Variants in AFAP1 observed in about 807,000 individuals in gnomAD.
The protein encoded by AFAP1 is actin filament-associated protein 1.
AFAP1 carries 75 observed loss-of-function variants against 93.9 expected under a neutral mutation model. The observed-to-expected ratio is 0.80, with a 90% CI of 0.66 to 0.97. The LOEUF (loss-of-function observed/expected upper bound fraction) is 0.97, where lower values mean the gene tolerates loss of function less well. AFAP1 is among the 50% of genes least tolerant of loss of function. The probability of loss-of-function intolerance (pLI) is 0.00; values close to 1 mark genes in which losing one functional copy is unlikely to be tolerated. For synonymous variants in AFAP1, 517 were observed against 430.7 expected, an observed-to-expected ratio of 1.20 and a Z score of -2.48; for missense variants, 1,201 against 1,050.8, an observed-to-expected ratio of 1.14 and a Z score of -1.98.
chr4:7,765,120 G>A (rs563668909), intron 17 of AFAP1, among the ~76,000 whole-genome samples: 67 of 145,284 alleles, frequency 4.6e-4, no homozygotes, highest in Non-Finnish European at 8.2e-4. Flanking sequence ...TCAATCAATC[G>A]CTAAGGAGAC....
intron 13 of AFAP1, among the ~76,000 whole-genome samples, chr4:7,780,194 C>T (rs1257071157): frequency 1.3e-5 from 2 of 152,212 alleles, no homozygotes; most frequent in Non-Finnish European, 2.9e-5. Context: ...GGCTCCCCTA[C>T]CCCCGGTCCC....
In AFAP1 at chr4:7,763,695, G is replaced by C. The variant is rs557553592; in HGVS notation, c.*70C>G. On this transcript the variant is annotated 3_prime_UTR_variant, in exon 18 of 18. Coordinates refer to ENST00000420658, the MANE Select transcript of AFAP1 (RefSeq NM_001134647.2). Reference sequence around the variant, plus strand: ...GAGGCCACTCTGGGCAGAGCTTCCTGCCGTCACACAGATGAGGATACAGGC... The same window carrying C: ...GAGGCCACTCTGGGCAGAGCTTCCTCCCGTCACACAGATGAGGATACAGGC... 1 of 1,541,698 alleles carries C rather than the reference G, an allele frequency of 6.5e-7. No homozygotes were observed. The highest frequency in any genetic ancestry group is 1.4e-5 in the African/African-American group (1 of 72,876).
At chr4:7,832,387 A>G (rs1212637560) in intron 6 of AFAP1, among the ~76,000 whole-genome samples, 5 of 151,962 alleles carry the variant, frequency 3.3e-5, no homozygotes, top group African/African-American at 1.2e-4. Flanking sequence ...GGTGGGAGCC[A>G]CTGCTCTTGT....
In AFAP1 at chr4:7,774,724, C is replaced by G. The variant is rs2148967179; in HGVS notation, c.2062+15G>C. 1 of 1,613,442 alleles carries G rather than the reference C, an allele frequency of 6.2e-7. No homozygotes were observed. The highest frequency in any genetic ancestry group is 2.2e-5 in the East Asian group (1 of 44,876). On this transcript the variant is annotated intron_variant, in intron 15 of 17. Transcript: ENST00000420658. The stretch of plus-strand genomic sequence containing the variant: ...ACAAACATGCACCCTGGGCAGTCAC[C>G]CACACCCTTCATACCGGCGTTCACT...
chr4:7,837,214 T>C (rs529996675), intron 6 of AFAP1, among the ~76,000 whole-genome samples: 1 of 152,260 alleles, frequency 6.6e-6, no homozygotes, highest in Admixed American at 6.5e-5. Flanking sequence ...ACCAAAAAGA[T>C]TAGAGACTCT....
intron 9 of AFAP1, 31 bp from the exon 10 acceptor site, chr4:7,800,684 C>G: frequency 6.2e-7 from 1 of 1,613,006 alleles, no homozygotes; most frequent in Non-Finnish European, 8.5e-7. Flanking sequence ...AGGTCAGCCG[C>G]CTCGGACAAG....
At chr4:7,790,815 T>C (rs964031469) in intron 11 of AFAP1, among the ~76,000 whole-genome samples, 1 of 152,216 alleles carries the variant, frequency 6.6e-6, no homozygotes, top group Non-Finnish European at 1.5e-5. Context: ...TATCCTGATT[T>C]CCACACAAAA....
chr4:7,816,739 G>A (rs544334238), intron 7 of AFAP1, among the ~76,000 whole-genome samples: 34 of 152,302 alleles, frequency 2.2e-4, no homozygotes, highest in African/African-American at 7.9e-4. Context: ...GGGTCATAGC[G>A]GAGGGAGTGG....
At chr4:7,778,542 G>A in intron 14 of AFAP1, 2 of 597,220 alleles carry the variant, frequency 3.3e-6, no homozygotes, top group East Asian at 2.8e-5. Flanking sequence ...TCCCACAGGT[G>A]GCAAACCAGT....
At chr4:7,910,308 G>A (rs1719655943) in intron 1 of AFAP1, among the ~76,000 whole-genome samples, 1 of 152,044 alleles carries the variant, frequency 6.6e-6, no homozygotes, top group Non-Finnish European at 1.5e-5. Context: ...TCCAGTCCTA[G>A]CCCTGCTACC....
intron 17 of AFAP1, among the ~76,000 whole-genome samples, chr4:7,767,016 G>A (rs1432151291): frequency 6.6e-6 from 1 of 152,200 alleles, no homozygotes; most frequent in Non-Finnish European, 1.5e-5. Context: ...ATGAGACCAA[G>A]TTTACGATAC....
At chr4:7,926,890 C>G (rs906092873) in intron 1 of AFAP1, among the ~76,000 whole-genome samples, 2 of 152,230 alleles carry the variant, frequency 1.3e-5, no homozygotes, top group Non-Finnish European at 2.9e-5. Flanking sequence ...CCCCCGCCAC[C>G]ATGCCCAGCT....
At chr4:7,840,088 G>A (rs1712804527) in intron 5 of AFAP1, among the ~76,000 whole-genome samples, 1 of 152,120 alleles carries the variant, frequency 6.6e-6, no homozygotes, top group African/African-American at 2.4e-5. Flanking sequence ...TCACCTGCCT[G>A]AAGAGTCAGG....
chr4:7,772,390 G>C (rs953643254), intron 16 of AFAP1: 3 of 156,224 alleles, frequency 1.9e-5, no homozygotes, highest in African/African-American at 4.8e-5. Context: ...ACCCCACTTT[G>C]TTCTGTTTGA....
At chr4:7,882,812 T>C (rs951182586) in intron 1 of AFAP1, among the ~76,000 whole-genome samples, 5 of 151,740 alleles carry the variant, frequency 3.3e-5, no homozygotes, top group African/African-American at 9.7e-5. Flanking sequence ...TGAGCCGAGA[T>C]AGAGCCACTG....
intron 1 of AFAP1, among the ~76,000 whole-genome samples, chr4:7,874,688 T>A (rs1560214884): frequency 6.6e-6 from 1 of 151,622 alleles, no homozygotes; most frequent in Non-Finnish European, 1.5e-5. Flanking sequence ...CAGCCTAGAT[T>A]TTCTTCACAT....
intron 17 of AFAP1, among the ~76,000 whole-genome samples, chr4:7,767,382 G>A (rs1381304095): frequency 1.3e-5 from 2 of 152,176 alleles, no homozygotes; most frequent in Non-Finnish European, 2.9e-5. Context: ...CAATTTCTTT[G>A]ATGATAAAGA....
intron 3 of AFAP1, among the ~76,000 whole-genome samples, chr4:7,865,008 T>C (rs889439101): frequency 3.9e-5 from 6 of 152,082 alleles, no homozygotes; most frequent in East Asian, 3.9e-4. Flanking sequence ...TAAAAAGCTA[T>C]ACAATTAGAT....
chr4:7,865,596 C>T (rs903651522), intron 3 of AFAP1, among the ~76,000 whole-genome samples: 3 of 151,930 alleles, frequency 2.0e-5, no homozygotes, highest in East Asian at 1.9e-4. Context: ...GGAGAGAGGA[C>T]GAGAGAGGGA....
Sources: allele counts gnomAD v4.1 joint callset (sites outside exome capture counted in the v4.1 genomes callset), GRCh38; gene constraint gnomAD v4.1.1; transcripts MANE v1.5; gene names NCBI Gene and HGNC (gene_info 2026-07-23, HGNC 2026-07-21).